The following HYLS1 variants were observed in gnomAD, a reference collection of about 807,000 sequenced individuals.
HYLS1 encodes the protein HYLS1 centriolar and ciliogenesis associated.
HYLS1 carries 25 observed loss-of-function variants against 29.4 expected under a neutral mutation model. The observed-to-expected ratio is 0.85, with a 90% CI of 0.62 to 1.19. The LOEUF is 1.19. HYLS1 is among the 50% of genes most tolerant of loss of function. The probability of loss-of-function intolerance (pLI) is 0.00; values close to 1 mark genes in which losing one functional copy is unlikely to be tolerated. For synonymous variants in HYLS1, 128 were observed against 126.7 expected (o/e 1.01, Z -0.07); for missense variants, 352 against 365.1 (o/e 0.96, Z 0.29).
intron 2 of HYLS1, among the ~76,000 whole-genome samples, chr11:125,892,173 A>G (rs1296339227): frequency 1.3e-5 from 2 of 152,336 alleles, no homozygotes; most frequent in East Asian, 3.9e-4. Flanking sequence ...AATCTAGAAG[A>G]GTAAGAATTT....
chr11:125,895,204 A>AC, intron 2 of HYLS1: 1 of 1,534,440 alleles, frequency 6.5e-7, no homozygotes, highest in Non-Finnish European at 8.7e-7. Context: ...TGTGCCATTT[A>AC]TTTTTTATTT....
intron 2 of HYLS1, chr11:125,893,727 TTC>T: frequency 3.5e-6 from 5 of 1,422,176 alleles, no homozygotes; most frequent in South Asian, 1.8e-5. Flanking sequence ...TTTTTTTTTT[TTC>T]CTTTTCTGTC....
chr11:125,888,155 C>T (rs1341484853), intron 1 of HYLS1: 3 of 152,294 alleles, frequency 2.0e-5, no homozygotes, highest in African/African-American at 7.2e-5. Context: ...AAGCCACGCC[C>T]ACGGCCAGGC....
Position 125,896,755 on chromosome 11 carries a change from T to C in HYLS1, c.-25-2589T>C, listed in dbSNP as rs181551979. Among the ~76,000 whole-genome samples, 6 of 152,320 alleles carry C rather than the reference T, an allele frequency of 3.9e-5. No individual in the cohort carries two copies. In the East Asian group the frequency reaches 1.2e-3, roughly 29 times the overall value. The stretch of plus-strand genomic sequence containing the variant: ...TACTTTTATCTGCTCTGAGTTTCTA[T>C]TGCTTTCCATTATCTCAAATAAATG... On this transcript the variant is annotated intron_variant, in intron 2 of 2. Transcript: ENST00000425380.
Position 125,900,229 on chromosome 11 carries a change from C to T in HYLS1, c.861C>T (p.Val287=), listed in dbSNP as rs1336346220. The T allele has an allele frequency of 6.2e-7, 1 of 1,614,158 alleles. No homozygotes were observed. Among genetic ancestry groups the T allele is most frequent in the Non-Finnish European group, 8.5e-7 (1 of 1,180,022 alleles). The change falls in exon 3 of 3, where the codon GTC becomes GTT. Residue 287 remains valine, a synonymous_variant. Transcript: ENST00000425380. ...WGVRCDLANG[V]IPRKLPFPLS... The stretch of plus-strand genomic sequence containing the variant: ...TTCGTTGTGACCTTGCAAATGGTGT[C>T]ATACCCAGGAAGCTTCCCTTCCCTC...
At chr11:125,894,078 T>G (rs1250290624) in intron 2 of HYLS1, 2 of 1,614,096 alleles carry the variant, frequency 1.2e-6, no homozygotes, top group Non-Finnish European at 8.5e-7. Flanking sequence ...CATTCTGTCA[T>G]TCCATCCATC....
At chr11:125,894,606 G>T (rs1565452453) in intron 2 of HYLS1, among the ~76,000 whole-genome samples, 1 of 152,174 alleles carries the variant, frequency 6.6e-6, no homozygotes, top group Non-Finnish European at 1.5e-5. Flanking sequence ...TTGCAATTTT[G>T]TATAGTATGA....
upstream of HYLS1, among the ~76,000 whole-genome samples, chr11:125,885,625 A>G (rs1283798357): frequency 1.3e-5 from 2 of 152,252 alleles, no homozygotes; most frequent in East Asian, 1.9e-4. Flanking sequence ...TGAGCATATT[A>G]AATTTGCTCC....
chr11:125,886,064 G>A (rs1944299648), upstream of HYLS1, among the ~76,000 whole-genome samples: 1 of 152,128 alleles, frequency 6.6e-6, no homozygotes, highest in South Asian at 2.1e-4. Flanking sequence ...TAAATGTAAT[G>A]CGCTTGAATC....
chr11:125,887,918 C>T (rs1267881991), intron 1 of HYLS1, 153 bp downstream of exon 1: 1 of 150,148 alleles, frequency 6.7e-6, no homozygotes, highest in African/African-American at 2.5e-5. Context: ...GGCGAGCCGT[C>T]CCCAACGTCT....
chr11:125,900,201 G>A lies in HYLS1; in HGVS notation c.833G>A (p.Gly278Asp). The change falls in exon 3 of 3, where the codon GGT (glycine) becomes GAT (aspartate). Residue 278 changes from glycine to aspartate, a missense_variant. Physicochemically the swap from Gly to Asp is moderately conservative, Grantham distance 94 (BLOSUM62 -1). Coordinates refer to ENST00000425380, the MANE Select transcript of HYLS1 (RefSeq NM_001134793.2). Reference sequence around the variant, plus strand: ...AAGAAAAGGTCTGCACTCCGTTGGGGTGTTCGTTGTGACCTTGCAAATGGT... The same window carrying A: ...AAGAAAAGGTCTGCACTCCGTTGGGATGTTCGTTGTGACCTTGCAAATGGT... ...TEKKRSALRW[G>D]VRCDLANGVI... 3.1e-6 allele frequency: 5 copies of A among 1,614,194 alleles called. No individual in the cohort carries two copies. The highest frequency in any genetic ancestry group is 4.2e-6 in the Non-Finnish European group (5 of 1,180,024).
rs199555809 is a variant in HYLS1, at chr11:125,899,802, A to T, written c.434A>T (p.Glu145Val). 7 of 1,614,180 alleles carry T rather than the reference A, an allele frequency of 4.3e-6. No homozygotes were observed. The highest frequency in any genetic ancestry group is 3.4e-6 in the Non-Finnish European group (4 of 1,179,990). Residue 145 changes from glutamate (E) to valine (V), a missense_variant, in exon 3 of 3, where the codon GAA becomes GTA. Coordinates refer to ENST00000425380, the MANE Select transcript of HYLS1 (RefSeq NM_001134793.2). Reference sequence around the variant, plus strand: ...AATGTACAGTTCCAGGAAGACAAGGAATCTTCATTTGATGTTTCACAAAAA... The same window carrying T: ...AATGTACAGTTCCAGGAAGACAAGGTATCTTCATTTGATGTTTCACAAAAA... ...LMNVQFQEDK[E>V]SSFDVSQKFN...
intron 2 of HYLS1, chr11:125,893,714 A>AGT: frequency 7.6e-7 from 1 of 1,312,310 alleles, no homozygotes; most frequent in Non-Finnish European, 1.0e-6. Context: ...CTTGCAAGTA[A>AGT]ATTTTTTTTT....
upstream of HYLS1, among the ~76,000 whole-genome samples, chr11:125,885,767 C>A (rs928690590): frequency 3.3e-4 from 51 of 152,252 alleles, 1 homozygote; most frequent in Admixed American, 3.3e-4. Flanking sequence ...AGCCACTCCC[C>A]ATCTGGCATT....
At chr11:125,895,716 G>C (rs574406394) in intron 2 of HYLS1, 1 of 1,613,702 alleles carries the variant, frequency 6.2e-7, no homozygotes, top group Non-Finnish European at 8.5e-7. Context: ...AGCAGCATTA[G>C]CCTCCTCTTT....
chr11:125,896,103 C>T, intron 2 of HYLS1: 1 of 1,614,220 alleles, frequency 6.2e-7, no homozygotes, highest in Non-Finnish European at 8.5e-7. Flanking sequence ...GTGTCTTCGG[C>T]CATGAGCACT....
upstream of HYLS1, chr11:125,884,004 G>A (rs1056084997): frequency 1.2e-4 from 19 of 152,236 alleles, no homozygotes; most frequent in African/African-American, 4.6e-4. Context: ...AGAGAGCTGT[G>A]TTGCAATCAA....
At position 125,899,478 on chromosome 11, in the gene HYLS1, G is replaced by A; in HGVS notation, c.110G>A (p.Gly37Glu). 1 of 1,614,204 alleles carries A rather than the reference G, an allele frequency of 6.2e-7. No individual in the cohort carries two copies. Among genetic ancestry groups the A allele is most frequent in the Admixed American group, 1.7e-5 (1 of 60,022 alleles). ...FTHICAGQGE[G>E]DVRREAQSIQ... ...CACATCTGTGCAGGGCAGGGTGAAGGAGATGTCAGGAGAGAAGCCCAATCT... is the reference window on the plus strand; with the variant it reads ...CACATCTGTGCAGGGCAGGGTGAAGAAGATGTCAGGAGAGAAGCCCAATCT... The change falls in exon 3 of 3, where the codon GGA becomes GAA. Residue 37 changes from glycine to glutamate, a missense_variant. Transcript: ENST00000425380.
At chr11:125,894,137 A>G in intron 2 of HYLS1, 1 of 1,614,144 alleles carries the variant, frequency 6.2e-7, no homozygotes, top group Non-Finnish European at 8.5e-7. Flanking sequence ...TCCTTGTAGC[A>G]TACTATACAA....
Sources: allele counts gnomAD v4.1 joint callset (sites outside exome capture counted in the v4.1 genomes callset), GRCh38; gene constraint gnomAD v4.1.1; transcripts MANE v1.5; gene names NCBI Gene and HGNC (gene_info 2026-07-23, HGNC 2026-07-21).